E4F1: variants seen among roughly 807,000 people sequenced by gnomAD.
E4F1 encodes the protein transcription factor E4F1.
Under a neutral mutation model 72.9 loss-of-function variants are expected in E4F1, and 30 were observed. The ratio of observed to expected loss-of-function variants is 0.41; its 90% CI spans 0.31 to 0.56. The LOEUF is 0.56. E4F1 is among the 20% of genes least tolerant of loss of function. E4F1 has a pLI of 0.25. For missense variants in E4F1, 1,091 were observed against 1,117.5 expected (o/e 0.98, Z 0.34); for synonymous variants, 542 against 478.2 (o/e 1.13, Z -1.74).
chr16:2,232,241 C>A lies in E4F1; in HGVS notation c.486C>A (p.Ala162=), dbSNP rs781739631. The change falls in exon 4 of 14, where the codon GCC becomes GCA. Residue 162 remains alanine (A), a synonymous_variant. Transcript: ENST00000301727. ...TGGGAGACGGTGAGATGGCCGAGGC[C>A]CCGGGCAGCCCCCGCCAGCAGGGGC... ...AELGDGEMAE[A]PGSPRQQGLG... 2.5e-6 allele frequency: 4 copies of A among 1,612,664 alleles called. No homozygotes were observed. The Admixed American group carries it at 5.0e-5, about 20-fold the overall frequency.
In E4F1 at chr16:2,232,170, G is replaced by T; in HGVS notation, c.416-1G>T. The T allele has an allele frequency of 6.2e-7, 1 of 1,611,046 alleles. No homozygotes were observed. Among genetic ancestry groups the T allele is most frequent in the Non-Finnish European group, 8.5e-7 (1 of 1,179,878 alleles). ...GGCTTAGGCCCAGATGCTTCTCCTAGGTGGTGGGCACATCAAAGAGGTCAT... is the reference window on the plus strand; with the variant it reads ...GGCTTAGGCCCAGATGCTTCTCCTATGTGGTGGGCACATCAAAGAGGTCAT... On this transcript the variant is annotated splice_acceptor_variant, in intron 3 of 13. Transcript: ENST00000301727. LOFTEE classifies it high-confidence loss of function.
At chr16:2,223,880 A>G in intron 1 of E4F1, 110 bp downstream of exon 1, 1 of 1,532,450 alleles carries the variant, frequency 6.5e-7, no homozygotes. Context: ...CCAGACCCAG[A>G]CACCTCGCGG....
In E4F1 at chr16:2,233,586, C is replaced by A; in HGVS notation, c.1205C>A (p.Pro402His). Residue 402 changes from proline to histidine, a missense_variant, in exon 8 of 14, where the codon CCC (proline) becomes CAC (histidine). This residue lies in a region of E4F1 where 622 missense variants were observed against 628.0 expected (regional missense o/e 0.99). Coordinates refer to ENST00000301727, the MANE Select transcript of E4F1 (RefSeq NM_004424.5). ...CCAGCTCCTGCTGCCGGGTCCAGTC[C>A]CCAGCCCCTGGCAGTGGCAGCCCCG... is the stretch of plus-strand genomic sequence containing the variant. ...LEPAPAAGSS[P>H]QPLAVAAPQL... is the part of the protein sequence containing the mutation. 1 of 1,510,828 alleles carries A rather than the reference C, an allele frequency of 6.6e-7. No individual in the cohort carries two copies. Among genetic ancestry groups the A allele is most frequent in the Non-Finnish European group, 8.9e-7 (1 of 1,128,594 alleles). The allele number at this position is 1,510,828 out of a possible 1,614,324, so 93.6% of individuals were successfully genotyped here.
In E4F1 at chr16:2,233,051, A is replaced by G. The variant is rs2093478483; in HGVS notation, c.924A>G (p.Ser308=). 1.2e-6 allele frequency: 2 copies of G among 1,610,866 alleles called. No homozygotes were observed. Among genetic ancestry groups the G allele is most frequent in the African/African-American group, 1.3e-5 (1 of 74,866 alleles). ...CTGCCGGCTTGGGGACAGCCACATC[A>G]TCGGTGACAGGCGAGCCTATAGAGA... ...AGAAGLGTAT[S]SVTGEPIETS... The change falls in exon 7 of 14, where the codon TCA becomes TCG. Residue 308 remains serine, a synonymous_variant. Transcript: ENST00000301727.
chr16:2,223,815 C>T (rs749813849), intron 1 of E4F1, 45 bp downstream of exon 1: 2 of 1,535,326 alleles, frequency 1.3e-6, no homozygotes, highest in African/African-American at 2.8e-5. Flanking sequence ...GCGGGCAGTT[C>T]ATCCCGGGCT....
Position 2,232,841 on chromosome 16 carries a change from C to G in E4F1, c.816C>G (p.Pro272=). 6.2e-7 allele frequency: 1 copy of G among 1,613,536 alleles called. No individual in the cohort carries two copies. The highest frequency in any genetic ancestry group is 8.5e-7 in the Non-Finnish European group (1 of 1,180,012). Residue 272 remains proline, a synonymous_variant, in exon 6 of 14, where the codon CCC becomes CCG. Transcript: ENST00000301727. ...CCCGGCACCTCAAGTCTCTCACCCC[C>G]TGCACAGAGAAAATCCGCTTCAGTG... ...ALTRHLKSLT[P]CTEKIRFSVS...
chr16:2,225,071 G>C (rs768327316), intron 1 of E4F1, among the ~76,000 whole-genome samples: 2 of 151,974 alleles, frequency 1.3e-5, no homozygotes, highest in Non-Finnish European at 2.9e-5. Flanking sequence ...AAATTAGCTG[G>C]GCGTGGTGGT....
rs531263988 is a variant in E4F1, at chr16:2,233,480, C to A, written c.1099C>A (p.Arg367Ser). Residue 367 changes from arginine to serine, a missense_variant, in exon 8 of 14, where the codon CGT (arginine) becomes AGT (serine). Arg to Ser is a moderately radical substitution (Grantham distance 110, BLOSUM62 -1). Coordinates refer to ENST00000301727, the MANE Select transcript of E4F1 (RefSeq NM_004424.5). ...GCTCCCCTGCTCCAGCGAGGGCAGC[C>A]GTGAGAACCTGCTGCACCAGGCCAT... is the stretch of plus-strand genomic sequence containing the variant. ...QELPCSSEGS[R>S]ENLLHQAMQN... 2.0e-6 allele frequency: 3 copies of A among 1,506,246 alleles called. No homozygotes were observed. The highest frequency in any genetic ancestry group is 1.4e-5 in the African/African-American group (1 of 71,880). 93.3% of individuals were successfully genotyped at this position (1,506,246 alleles called of 1,614,324 possible). A position where few individuals can be genotyped will look rare whatever the true frequency, so the allele number is the denominator to read the frequency against.
chr16:2,233,437 GC>G lies in E4F1; in HGVS notation c.1062del (p.Val355SerfsTer236). ...SLGMKALAPEPPVSQELPCSS... is the reference protein window; with the variant it reads ...SLGMKALAPEXPVSQELPCSS... ...GCCTCCTCTCTCTGCCTCCCCTGCA[GC>G]CCCCCGTCTCCCAGGAGCTCCCCTG... On this transcript the variant is annotated frameshift_variant and splice_region_variant, in exon 8 of 14. Transcript: ENST00000301727. LOFTEE classifies it high-confidence loss of function. The G allele has an allele frequency of 2.0e-6, 3 of 1,510,654 alleles. No homozygotes were observed. The allele number at this position is 1,510,654 out of a possible 1,614,324, so 93.6% of individuals were successfully genotyped here.
chr16:2,223,701 G>T lies in E4F1; in HGVS notation c.88G>T (p.Val30Phe), dbSNP rs2093412634. ...EAGREAGEGA[V>F]AAVAAALAPS... ...CGGGCGGGAAGCGGGCGAGGGTGCA[G>T]TTGCGGCGGTGGCGGCGGCCTTGGC... The change falls in exon 1 of 14, where the codon GTT becomes TTT. Residue 30 changes from valine (V) to phenylalanine (F), a missense_variant. Coordinates refer to ENST00000301727, the MANE Select transcript of E4F1 (RefSeq NM_004424.5). 5 of 1,567,764 alleles carry T rather than the reference G, an allele frequency of 3.2e-6. No individual in the cohort carries two copies. The highest frequency in any genetic ancestry group is 3.4e-6 in the Non-Finnish European group (4 of 1,166,790).
intron 13 of E4F1, 31 bp from the exon 14 acceptor site, chr16:2,235,185 C>T (rs1175212362): frequency 6.2e-7 from 1 of 1,610,236 alleles, no homozygotes. Flanking sequence ...CTCCCTGGCA[C>T]AGCCGCTCTT....
At chr16:2,229,390 C>A (rs547365145) in intron 2 of E4F1, among the ~76,000 whole-genome samples, 180 bp from the exon 3 acceptor site, 4 of 152,222 alleles carry the variant, frequency 2.6e-5, no homozygotes, top group Admixed American at 2.0e-4. Flanking sequence ...GGACTGGGAC[C>A]GGTGGTCGTG....
At chr16:2,232,734 G>C in intron 5 of E4F1, 22 bp from the exon 6 acceptor site, 1 of 1,612,596 alleles carries the variant, frequency 6.2e-7, no homozygotes, top group South Asian at 1.1e-5. Context: ...GCTGCCCGGG[G>C]CTGACTAGGT....
Position 2,233,537 on chromosome 16 carries a change from G to A in E4F1, c.1156G>A (p.Ala386Thr). The part of the protein sequence containing the change: ...QNSGIVLERA[A>T]GEEGALEPAP... ...CTCCGGCATCGTCCTTGAGCGCGCTGCTGGGGAGGAGGGTGCCCTGGAGCC... is the reference window on the plus strand; with the variant it reads ...CTCCGGCATCGTCCTTGAGCGCGCTACTGGGGAGGAGGGTGCCCTGGAGCC... Residue 386 changes from alanine to threonine, a missense_variant, in exon 8 of 14, where the codon GCT becomes ACT. Ala to Thr is a moderately conservative substitution (Grantham distance 58). Transcript: ENST00000301727. 6.6e-7 allele frequency: 1 copy of A among 1,523,046 alleles called. No homozygotes were observed. The highest frequency in any genetic ancestry group is 8.8e-7 in the Non-Finnish European group (1 of 1,135,460). The allele number at this position is 1,523,046 out of a possible 1,614,324, so 94.3% of individuals were successfully genotyped here. A position where few individuals can be genotyped will look rare whatever the true frequency, so the allele number is the denominator to read the frequency against.
chr16:2,229,548 T>C (rs754853164), intron 2 of E4F1, 22 bp from the exon 3 acceptor site: 3 of 1,604,972 alleles, frequency 1.9e-6, no homozygotes, highest in East Asian at 2.2e-5. Context: ...ACGACTCCCC[T>C]GTTTTCTTCC....
Position 2,233,960 on chromosome 16 carries a change from A to G in E4F1, c.1345A>G (p.Thr449Ala). 3 of 1,598,816 alleles carry G rather than the reference A, an allele frequency of 1.9e-6. No individual in the cohort carries two copies. Among genetic ancestry groups the G allele is most frequent in the Non-Finnish European group, 2.6e-6 (3 of 1,173,030 alleles). Residue 449 changes from threonine to alanine, a missense_variant, in exon 9 of 14, where the codon ACC becomes GCC. By Grantham distance (58) the Thr-to-Ala change is moderately conservative. This residue lies in a region of E4F1 where 622 missense variants were observed against 628.0 expected (regional missense o/e 0.99). Transcript: ENST00000301727. The part of the protein sequence containing the change: ...QCSETFPTAA[T>A]LEAHKRGHTG... ...CAGTGAGACCTTCCCGACAGCAGCC[A>G]CCCTGGAGGCCCACAAGAGGGGCCA...
chr16:2,234,116 C>A (rs1555479284), intron 9 of E4F1, 55 bp from the exon 10 acceptor site: 4 of 1,587,918 alleles, frequency 2.5e-6, no homozygotes, highest in South Asian at 2.3e-5. Context: ...AGGTGGCAGG[C>A]GGCCTGGCGG....
chr16:2,232,403 G>A (rs1221485408), intron 4 of E4F1, 39 bp downstream of exon 4: 4 of 1,602,360 alleles, frequency 2.5e-6, no homozygotes, highest in Non-Finnish European at 3.4e-6. Context: ...TGGGTGGCAG[G>A]CCCCCTCCTG....
chr16:2,232,255 G>A lies in E4F1; in HGVS notation c.500G>A (p.Arg167His), dbSNP rs26839. ...GEMAEAPGSP[R>H]QQGLGLAGEG... Reference sequence around the variant, plus strand: ...ATGGCCGAGGCCCCGGGCAGCCCCCGCCAGCAGGGGCTGGGGCTCGCAGGG... The same window carrying A: ...ATGGCCGAGGCCCCGGGCAGCCCCCACCAGCAGGGGCTGGGGCTCGCAGGG... The change falls in exon 4 of 14, where the codon CGC becomes CAC. Residue 167 changes from arginine to histidine, a missense_variant. Coordinates refer to ENST00000301727, the MANE Select transcript of E4F1 (RefSeq NM_004424.5). The A allele has an allele frequency of 0.99, 1,597,164 of 1,612,690 alleles. 790,917 individuals carry two copies. The highest frequency in any genetic ancestry group is 1 in the East Asian group (44,860 of 44,866).
Sources: allele counts gnomAD v4.1 joint callset (sites outside exome capture counted in the v4.1 genomes callset), GRCh38; gene constraint gnomAD v4.1.1; regional missense constraint gnomAD v4.1.1; transcripts MANE v1.5; gene names NCBI Gene and HGNC (gene_info 2026-07-23, HGNC 2026-07-21).